The following AGBL1 variants were observed in gnomAD, a reference collection of about 807,000 sequenced individuals.
The protein encoded by AGBL1 is AGBL carboxypeptidase 1, also known as cytosolic carboxypeptidase 4.
In AGBL1, 130 loss-of-function variants were observed where a neutral mutation model predicts 118.9. That is an observed-to-expected ratio of 1.09 (90% confidence interval 0.95 to 1.26). The LOEUF is 1.26. AGBL1 is among the 50% of genes most tolerant of loss of function. The pLI, the probability that AGBL1 is intolerant of heterozygous loss-of-function variation, is 0.00. For synonymous variants in AGBL1, 555 were observed against 478.9 expected (o/e 1.16, Z -2.08); for missense variants, 1,584 against 1,298.1 (o/e 1.22, Z -3.38).
intron 18 of AGBL1, among the ~76,000 whole-genome samples, chr15:86,509,935 G>C (rs1250167295): frequency 2.1e-5 from 3 of 143,146 alleles, no homozygotes; most frequent in Admixed American, 7.0e-5. Context: ...GTCAAAACAA[G>C]GCTGAAGCTC....
chr15:86,697,528 G>C (rs1358077457), intron 22 of AGBL1, among the ~76,000 whole-genome samples: 1 of 146,656 alleles, frequency 6.8e-6, no homozygotes, highest in African/African-American at 2.5e-5. Context: ...ATTTTCTTAA[G>C]TTGGAGTTCA....
intron 9 of AGBL1, among the ~76,000 whole-genome samples, chr15:86,259,962 G>A (rs2078956285): frequency 6.6e-6 from 1 of 152,218 alleles, no homozygotes; most frequent in Non-Finnish European, 1.5e-5. Context: ...TGGAGGGGTG[G>A]GGTAGAGAGA....
chr15:86,808,740 TTTCC>T (rs908795338), intron 22 of AGBL1, among the ~76,000 whole-genome samples: 2 of 151,254 alleles, frequency 1.3e-5, no homozygotes, highest in African/African-American at 4.9e-5. Context: ...CCCTCCCTTC[TTTCC>T]TTCCTTCTCT....
At chr15:86,891,689 C>A (rs185704953) in intron 22 of AGBL1, among the ~76,000 whole-genome samples, 21 of 152,142 alleles carry the variant, frequency 1.4e-4, no homozygotes, top group African/African-American at 3.6e-4. Flanking sequence ...GGGTTGCCCA[C>A]AAGCACCTTC....
Position 86,814,163 on chromosome 15 carries a change from G to A in AGBL1, c.3159-92924G>A, listed in dbSNP as rs193192735. 2.0e-5 allele frequency among the ~76,000 whole-genome samples: 3 copies of A among 152,308 alleles called. No individual in the cohort carries two copies. The East Asian group carries it at 5.8e-4, about 29-fold the overall frequency. ...CAAGTGAGCGAGCATTACCGCCTGA[G>A]CTCTGCCTCTTGTCAAATCAGCGGC... On this transcript the variant is annotated intron_variant, in intron 22 of 22. Transcript: ENST00000614907.
intron 9 of AGBL1, among the ~76,000 whole-genome samples, chr15:86,260,925 G>T (rs1213254882): frequency 3.3e-5 from 5 of 152,224 alleles, no homozygotes; most frequent in Admixed American, 1.3e-4. Context: ...ACAAAAGGAG[G>T]TGGCAACCTG....
intron 1 of AGBL1, among the ~76,000 whole-genome samples, chr15:86,118,400 A>G (rs1897892766): frequency 6.6e-6 from 1 of 152,164 alleles, no homozygotes; most frequent in Non-Finnish European, 1.5e-5. Context: ...TGTCTTTGCA[A>G]GAACTCTGCA....
At chr15:86,556,815 G>A (rs1457991513) in intron 21 of AGBL1, among the ~76,000 whole-genome samples, 4 of 152,058 alleles carry the variant, frequency 2.6e-5, no homozygotes, top group South Asian at 2.1e-4. Context: ...AAATACACCC[G>A]TGAGAGGCAT....
Position 86,303,217 on chromosome 15 carries a change from T to C in AGBL1, c.2374+7809T>C, listed in dbSNP as rs564808032. Reference sequence around the variant, plus strand: ...AGTTGTGGATAATAATACTTTTTCATAGAGCAATTTGAAGATTGTAAAGGG... The same window carrying C: ...AGTTGTGGATAATAATACTTTTTCACAGAGCAATTTGAAGATTGTAAAGGG... On this transcript the variant is annotated intron_variant, in intron 17 of 22. Transcript: ENST00000614907. 7.9e-5 allele frequency among the ~76,000 whole-genome samples: 12 copies of C among 152,328 alleles called. No individual in the cohort carries two copies. In the South Asian group the frequency reaches 2.5e-3, roughly 32 times the overall value.
chr15:86,269,388 C>T (rs964315491), intron 13 of AGBL1, among the ~76,000 whole-genome samples: 1 of 152,200 alleles, frequency 6.6e-6, no homozygotes, highest in African/African-American at 2.4e-5. Context: ...ATAGCAATGG[C>T]ATATCCAAAC....
intron 24 of AGBL1, among the ~76,000 whole-genome samples, chr15:87,001,923 T>C (rs924482293): frequency 3.3e-5 from 5 of 152,114 alleles, no homozygotes; most frequent in Non-Finnish European, 5.9e-5. Flanking sequence ...TCCCATTCTG[T>C]AGGTTGCCTG....
chr15:86,512,536 C>G (rs2083064744), intron 18 of AGBL1, among the ~76,000 whole-genome samples: 1 of 151,574 alleles, frequency 6.6e-6, no homozygotes, highest in Non-Finnish European at 1.5e-5. Flanking sequence ...CTGTTATTAC[C>G]TAGATTTCCA....
intron 5 of AGBL1, among the ~76,000 whole-genome samples, chr15:86,214,189 T>G (rs182806542): frequency 1.2e-3 from 177 of 152,338 alleles, no homozygotes; most frequent in African/African-American, 4.0e-3. Context: ...AGATACATTT[T>G]TGTTCATCTA....
In AGBL1 at chr15:86,264,489, C is replaced by T; in HGVS notation, c.1318C>T (p.Gln440Ter). Residue 440 changes from glutamine to a stop codon, truncating the protein, a stop_gained, in exon 11 of 23, where the codon CAA (glutamine) becomes TAA (stop). Coordinates refer to ENST00000614907, the MANE Select transcript of AGBL1 (RefSeq NM_001386094.1). LOFTEE classifies it high-confidence loss of function. ...SKKNPGVNLY[Q>*]NVQSNSLRRD... ...AAAAAATCCTGGAGTGAACCTGTAC[C>T]AAAATGTGCAATCCAATAGTCTCAG... 6.2e-7 allele frequency: 1 copy of T among 1,613,980 alleles called. No individual in the cohort carries two copies. Among genetic ancestry groups the T allele is most frequent in the South Asian group, 1.1e-5 (1 of 91,082 alleles).
intron 21 of AGBL1, among the ~76,000 whole-genome samples, chr15:86,617,208 T>G (rs2084741593): frequency 6.6e-6 from 1 of 152,190 alleles, no homozygotes; most frequent in African/African-American, 2.4e-5. Context: ...TGACAGGAAT[T>G]TGGACTAGTG....
chr15:86,806,612 A>G (rs7169107), intron 22 of AGBL1, among the ~76,000 whole-genome samples: 87,171 of 151,746 alleles, frequency 0.57, 25,973 homozygotes, highest in Non-Finnish European at 0.66. Flanking sequence ...TAACCTCTCT[A>G]TGCCTTCCCT....
intron 5 of AGBL1, among the ~76,000 whole-genome samples, chr15:86,185,983 G>GTT (rs936546924): frequency 6.6e-6 from 1 of 152,002 alleles, no homozygotes; most frequent in Non-Finnish European, 1.5e-5. Flanking sequence ...TTCAGCTTTT[G>GTT]TTTTTGAAAA....
At chr15:86,574,671 A>C (rs2084059003) in intron 21 of AGBL1, among the ~76,000 whole-genome samples, 1 of 133,026 alleles carries the variant, frequency 7.5e-6, no homozygotes, top group South Asian at 2.4e-4. Context: ...TCCACCTCCC[A>C]GGTTCAAGCG....
chr15:86,518,884 TG>T (rs1439454327), intron 18 of AGBL1, among the ~76,000 whole-genome samples: 3 of 151,432 alleles, frequency 2.0e-5, no homozygotes, highest in African/African-American at 7.3e-5. Context: ...AAGCTAAAAA[TG>T]CAGCATTCCT....
Sources: gnomAD v4.1 joint callset for allele counts (sites outside exome capture counted in the v4.1 genomes callset) on GRCh38, gnomAD v4.1.1 for gene constraint, MANE v1.5 for transcripts, NCBI Gene and HGNC (gene_info 2026-07-23, HGNC 2026-07-21) for gene names.